The following KDM5B variants were observed in gnomAD, a reference collection of about 807,000 sequenced individuals.
The protein encoded by KDM5B is lysine-specific demethylase 5B.
Under a neutral mutation model 193.4 loss-of-function variants are expected in KDM5B, and 144 were observed. The ratio of observed to expected loss-of-function variants is 0.74; its 90% CI spans 0.65 to 0.86. KDM5B has a LOEUF of 0.86. Ranked by LOEUF, KDM5B falls within the 40% of genes least tolerant of loss-of-function variation. KDM5B has a pLI of 0.00. For synonymous variants in KDM5B, 668 were observed against 682.6 expected (o/e 0.98, Z 0.33); for missense variants, 1,833 against 1,886.9 (o/e 0.97, Z 0.53).
intron 7 of KDM5B, among the ~76,000 whole-genome samples, chr1:202,760,838 T>C (rs1315004209): frequency 2.6e-5 from 4 of 152,222 alleles, no homozygotes; most frequent in African/African-American, 9.6e-5. Context: ...TTTAAAGACC[T>C]AGTTTTTAGT....
Position 202,774,695 on chromosome 1 carries a change from G to C in KDM5B, c.323C>G (p.Ala108Gly), listed in dbSNP as rs1485937856. The C allele has an allele frequency of 6.2e-7, 1 of 1,612,866 alleles. No individual in the cohort carries two copies. Among genetic ancestry groups the C allele is most frequent in the Admixed American group, 1.7e-5 (1 of 59,974 alleles). The part of the protein sequence containing the change: ...RVKLNFLDQI[A>G]KYWELQGSTL... ...ACTTCCCTGTAACTCCCAGTACTTT[G>C]CAATCTGGTCCAAGAAATTCAATTT... The change falls in exon 3 of 27, where the codon GCA (alanine) becomes GGA (glycine). Residue 108 changes from alanine to glycine, a missense_variant. Around this residue, in one of 3 missense-constraint regions of KDM5B, gnomAD observed 355 missense variants for 374.9 expected, o/e 0.95. Transcript: ENST00000367265.
chr1:202,792,727 GGCCCAC>G (rs1657689698), intron 1 of KDM5B, among the ~76,000 whole-genome samples: 2 of 152,188 alleles, frequency 1.3e-5, no homozygotes. Context: ...CGGGCACAGT[GGCCCAC>G]GCCTGTAATC....
rs748930348 is a variant in KDM5B at position 202,735,577 on chromosome 1, G to A, written c.3275C>T (p.Pro1092Leu). 1 of 1,613,534 alleles carries A rather than the reference G, an allele frequency of 6.2e-7. No individual in the cohort carries two copies. The highest frequency in any genetic ancestry group is 1.1e-5 in the South Asian group (1 of 91,054). ...SPYSLLEVLC[P>L]RCDIGLLGLK... ...TCCCAAAAGGCCAATATCACATCGA[G>A]GACACAGCACCTAATGTGGGACAAG... The change falls in exon 22 of 27, where the codon CCT (proline) becomes CTT (leucine). Residue 1092 changes from proline to leucine, a missense_variant. Around this residue, in one of 3 missense-constraint regions of KDM5B, gnomAD observed 1,379 missense variants for 1,349.6 expected, o/e 1.02. Transcript: ENST00000367265.
intron 1 of KDM5B, among the ~76,000 whole-genome samples, chr1:202,798,685 C>T (rs944484576): frequency 3.9e-5 from 6 of 151,904 alleles, no homozygotes; most frequent in Admixed American, 3.9e-4. Flanking sequence ...GTGATTGTGC[C>T]ACTGCATTAC....
chr1:202,800,967 C>T (rs1658048882), intron 1 of KDM5B, among the ~76,000 whole-genome samples: 1 of 152,204 alleles, frequency 6.6e-6, no homozygotes, highest in Admixed American at 6.5e-5. Flanking sequence ...ATGACCATCA[C>T]TGACTGAAGG....
chr1:202,773,001 T>C, intron 4 of KDM5B, 117 bp downstream of exon 4: 1 of 760,318 alleles, frequency 1.3e-6, no homozygotes, highest in African/African-American at 1.8e-5. Context: ...CCCACCAAAA[T>C]AAGGTCTTCT....
Position 202,762,728 on chromosome 1 carries a change from T to C in KDM5B, c.889A>G (p.Lys297Glu), listed in dbSNP as rs1656301701. 1 of 1,608,458 alleles carries C rather than the reference T, an allele frequency of 6.2e-7. No individual in the cohort carries two copies. The change falls in exon 7 of 27, where the codon AAG becomes GAG. Residue 297 changes from lysine to glutamate, a missense_variant. Lys to Glu is a moderately conservative substitution (Grantham distance 56). Transcript: ENST00000367265. ...TTGGTGGCTTTTTTAGATCGACTCT[T>C]GGGCTTTTCCTTCTCATTTTCTACA... The part of the protein sequence containing the change: ...YIVENEKEKP[K>E]SRSKKATNAV...
intron 1 of KDM5B, among the ~76,000 whole-genome samples, chr1:202,790,281 AATGG>A (rs56233815): frequency 6.6e-6 from 1 of 151,182 alleles, no homozygotes; most frequent in African/African-American, 2.4e-5. Flanking sequence ...TGAATGAATG[AATGG>A]ATGGATGGCA....
intron 1 of KDM5B, among the ~76,000 whole-genome samples, chr1:202,793,825 G>A (rs1657734673): frequency 1.3e-5 from 2 of 152,152 alleles, no homozygotes; most frequent in African/African-American, 4.8e-5. Context: ...AATGGAAGAT[G>A]GGAAAAGCCA....
At chr1:202,736,179 T>A in intron 21 of KDM5B, 34 bp downstream of exon 21, 3 of 1,458,292 alleles carry the variant, frequency 2.1e-6, no homozygotes, top group Non-Finnish European at 2.8e-6. Flanking sequence ...CTAGGAGATC[T>A]AAGGTCTTGC....
chr1:202,752,379 C>A (rs1384116866), intron 12 of KDM5B, among the ~76,000 whole-genome samples: 4 of 152,184 alleles, frequency 2.6e-5, no homozygotes, highest in African/African-American at 9.7e-5. Context: ...AAATTTGTAG[C>A]CCAGCAGCAA....
In KDM5B at chr1:202,808,156, G is replaced by C. The variant is rs1456387021; in HGVS notation, c.150C>G (p.His50Gln). 6.2e-7 allele frequency: 1 copy of C among 1,613,126 alleles called. No homozygotes were observed. Among genetic ancestry groups the C allele is most frequent in the Non-Finnish European group, 8.5e-7 (1 of 1,179,594 alleles). ...TCTGCTCGGCTATGGGCCGGATCTT[G>C]TGGATGAAAGCGAAGGGGTCCGCGA... ...EEFADPFAFIHKIRPIAEQTG... is the reference protein window; with the variant it reads ...EEFADPFAFIQKIRPIAEQTG... The change falls in exon 1 of 27, where the codon CAC becomes CAG. Residue 50 changes from histidine to glutamine, a missense_variant. By Grantham distance (24) the His-to-Gln change is conservative. Coordinates refer to ENST00000367265, the MANE Select transcript of KDM5B (RefSeq NM_006618.5).
intron 1 of KDM5B, among the ~76,000 whole-genome samples, chr1:202,777,351 TAAAA>T (rs147335949): frequency 1.7e-3 from 219 of 128,652 alleles, no homozygotes; most frequent in Middle Eastern, 7.5e-3. Context: ...ATTGAGCCTG[TAAAA>T]AAAAAAAAAA....
At chr1:202,771,397 A>AGT (rs1558504271) in intron 4 of KDM5B, among the ~76,000 whole-genome samples, 1 of 54,608 alleles carries the variant, frequency 1.8e-5, no homozygotes, top group Non-Finnish European at 5.5e-5. Context: ...ACATCCAGCT[A>AGT]ATTTTTTTTT....
chr1:202,753,134 A>C, intron 11 of KDM5B, 67 bp from the exon 12 acceptor site: 5 of 1,389,706 alleles, frequency 3.6e-6, no homozygotes, highest in Non-Finnish European at 5.0e-6. Flanking sequence ...TTACCAGTTC[A>C]TATTTTTCAG....
chr1:202,730,454 G>C (rs1321271549), intron 25 of KDM5B, among the ~76,000 whole-genome samples: 1 of 152,116 alleles, frequency 6.6e-6, no homozygotes, highest in African/African-American at 2.4e-5. Context: ...CTTCTTGAAG[G>C]ATGTACACCC....
At chr1:202,805,676 A>G (rs1053155584) in intron 1 of KDM5B, among the ~76,000 whole-genome samples, 3 of 152,196 alleles carry the variant, frequency 2.0e-5, no homozygotes, top group Non-Finnish European at 4.4e-5. Context: ...TTGTTGCTAT[A>G]TATCAACTAT....
intron 1 of KDM5B, among the ~76,000 whole-genome samples, chr1:202,793,603 T>TTA (rs1657726482): frequency 6.6e-6 from 1 of 152,246 alleles, no homozygotes; most frequent in Non-Finnish European, 1.5e-5. Flanking sequence ...ATGGAAATAA[T>TTA]GGAACACATG....
chr1:202,748,992 T>C lies in KDM5B; in HGVS notation c.1969A>G (p.Ile657Val). The C allele has an allele frequency of 6.2e-7, 1 of 1,613,598 alleles. No homozygotes were observed. Among genetic ancestry groups the C allele is most frequent in the African/African-American group, 1.3e-5 (1 of 75,018 alleles). The change falls in exon 14 of 27, where the codon ATT becomes GTT. Residue 657 changes from isoleucine to valine, a missense_variant. By Grantham distance (29) the Ile-to-Val change is conservative (BLOSUM62 3). Around this residue, in one of 3 missense-constraint regions of KDM5B, gnomAD observed 1,379 missense variants for 1,349.6 expected, o/e 1.02. Coordinates refer to ENST00000367265, the MANE Select transcript of KDM5B (RefSeq NM_006618.5). ...VASTVQKDMA[I>V]MIEDEKALRE... ...AAAGCTTTCTCATCCTCAATCATAA[T>C]GGCCATGTCTTTCTGAACAGTTGAA...
Sources: allele counts gnomAD v4.1 joint callset (sites outside exome capture counted in the v4.1 genomes callset), GRCh38; gene constraint gnomAD v4.1.1; regional missense constraint gnomAD v4.1.1; transcripts MANE v1.5; gene names NCBI Gene and HGNC (gene_info 2026-07-23, HGNC 2026-07-21).